NPAS3: variants seen among roughly 807,000 people sequenced by gnomAD.
The protein encoded by NPAS3 is neuronal PAS domain-containing protein 3.
Under a neutral mutation model 73.1 loss-of-function variants are expected in NPAS3, and 14 were observed. The observed-to-expected ratio is 0.19, with a 90% CI of 0.13 to 0.30. The LOEUF is 0.30. NPAS3 is among the 10% of genes least tolerant of loss of function. NPAS3 has a pLI of 1.00. For synonymous variants in NPAS3, 620 were observed against 541.5 expected (o/e 1.14, Z -2.01); for missense variants, 1,096 against 1,250.0 (o/e 0.88, Z 1.86).
At chr14:33,569,387 A>G (rs1335832275) in intron 5 of NPAS3, among the ~76,000 whole-genome samples, 3 of 152,194 alleles carry the variant, frequency 2.0e-5, no homozygotes, top group Non-Finnish European at 2.9e-5. Flanking sequence ...GGCAGAGGTA[A>G]CACAGATACC....
intron 7 of NPAS3, among the ~76,000 whole-genome samples, chr14:33,749,612 G>T (rs1413613747): frequency 6.6e-6 from 1 of 152,114 alleles, no homozygotes; most frequent in African/African-American, 2.4e-5. Context: ...GATGCAATTT[G>T]CCCAACAACT....
chr14:33,676,565 A>G (rs1250815156), intron 6 of NPAS3, among the ~76,000 whole-genome samples, 180 bp downstream of exon 6: 7 of 152,366 alleles, frequency 4.6e-5, no homozygotes, highest in Middle Eastern at 3.4e-3. Context: ...GAGACATTTT[A>G]ATAAGTATAA....
chr14:33,359,952 C>CA (rs2045518512), intron 3 of NPAS3, among the ~76,000 whole-genome samples: 1 of 152,198 alleles, frequency 6.6e-6, no homozygotes, highest in Admixed American at 6.5e-5. Flanking sequence ...AGAAGCAGTT[C>CA]AAAACTAGAA....
chr14:33,727,398 T>A (rs1260968892), intron 6 of NPAS3, among the ~76,000 whole-genome samples: 2 of 152,198 alleles, frequency 1.3e-5, no homozygotes, highest in Non-Finnish European at 2.9e-5. Flanking sequence ...AAAATATATT[T>A]GTAGCTCATA....
At chr14:33,421,508 A>T (rs976255285) in intron 4 of NPAS3, among the ~76,000 whole-genome samples, 1 of 151,706 alleles carries the variant, frequency 6.6e-6, no homozygotes, top group African/African-American at 2.4e-5. Flanking sequence ...TTAAAAACAC[A>T]ATTAAGTTCT....
intron 3 of NPAS3, among the ~76,000 whole-genome samples, chr14:33,299,628 A>T (rs59350236): frequency 0.072 from 10,954 of 152,052 alleles, 1,034 homozygotes; most frequent in African/African-American, 0.21. Flanking sequence ...TGAGCTCAGT[A>T]GGATTCTAGT....
intron 5 of NPAS3, among the ~76,000 whole-genome samples, chr14:33,616,573 A>G (rs940512768): frequency 6.6e-6 from 1 of 152,124 alleles, no homozygotes; most frequent in Non-Finnish European, 1.5e-5. Context: ...TGCGGCTGGG[A>G]TAGAACTGAA....
intron 1 of NPAS3, among the ~76,000 whole-genome samples, chr14:33,037,919 T>C: frequency 6.6e-6 from 1 of 152,218 alleles, no homozygotes; most frequent in East Asian, 1.9e-4. Context: ...GCTTAGACTT[T>C]TCTTTGATAC....
intron 3 of NPAS3, among the ~76,000 whole-genome samples, chr14:33,343,594 C>T (rs560629890): frequency 3.0e-4 from 45 of 152,288 alleles, no homozygotes; most frequent in African/African-American, 9.9e-4. Flanking sequence ...GCTTCTGGAA[C>T]ATTCTTCGGA....
chr14:33,740,099 C>T (rs2061620115), intron 7 of NPAS3, among the ~76,000 whole-genome samples: 2 of 152,096 alleles, frequency 1.3e-5, no homozygotes, highest in African/African-American at 4.8e-5. Context: ...AGTACCTAAA[C>T]CAAAGAATTT....
chr14:33,486,805 T>C (rs1387941783), intron 4 of NPAS3, among the ~76,000 whole-genome samples: 2 of 152,188 alleles, frequency 1.3e-5, no homozygotes, highest in Non-Finnish European at 2.9e-5. Context: ...ACCTTTAAAC[T>C]ATTAGTTACC....
At chr14:33,231,905 T>C (rs76210092) in intron 3 of NPAS3, among the ~76,000 whole-genome samples, 186 of 152,292 alleles carry the variant, frequency 1.2e-3, no homozygotes, top group African/African-American at 4.2e-3. Context: ...TCAAATCCAT[T>C]CATACTAGCC....
intron 8 of NPAS3, 24 bp from the exon 9 acceptor site, chr14:33,778,442 C>T (rs2062886042): frequency 1.3e-6 from 2 of 1,494,400 alleles, no homozygotes; most frequent in South Asian, 2.3e-5. Context: ...TTCTGAATTC[C>T]AGCCTGTGTT....
At chr14:33,714,702 C>T (rs780070394) in intron 6 of NPAS3, among the ~76,000 whole-genome samples, 9 of 152,142 alleles carry the variant, frequency 5.9e-5, no homozygotes, top group South Asian at 2.1e-4. Context: ...AAATACCTTA[C>T]GTCACTGATT....
chr14:33,186,642 G>A (rs779097643), intron 2 of NPAS3, among the ~76,000 whole-genome samples: 13 of 152,114 alleles, frequency 8.5e-5, no homozygotes, highest in African/African-American at 1.2e-4. Context: ...TGGTATCACC[G>A]CTTGTTCAGC....
chr14:33,067,431 G>C (rs1183498767), intron 2 of NPAS3, among the ~76,000 whole-genome samples: 1 of 152,202 alleles, frequency 6.6e-6, no homozygotes, highest in Non-Finnish European at 1.5e-5. Flanking sequence ...TTACACTGTG[G>C]TTATCACATA....
At chr14:33,193,701 G>A (rs538055524) in intron 2 of NPAS3, among the ~76,000 whole-genome samples, 1 of 152,260 alleles carries the variant, frequency 6.6e-6, no homozygotes, top group Non-Finnish European at 1.5e-5. Flanking sequence ...CACAAATAGG[G>A]TTCTCAAATG....
intron 1 of NPAS3, among the ~76,000 whole-genome samples, chr14:33,050,399 C>T (rs896643292): frequency 6.6e-6 from 1 of 152,138 alleles, no homozygotes; most frequent in African/African-American, 2.4e-5. Context: ...AGCAGTCTTC[C>T]CTAGGTCTTC....
rs1357247200 is a variant in NPAS3, at chr14:33,139,004, G to A, written c.141-76178G>A. 4.6e-5 allele frequency among the ~76,000 whole-genome samples: 7 copies of A among 152,282 alleles called. 1 individual carries two copies. In the South Asian group the frequency reaches 1.5e-3, roughly 32 times the overall value. ...GTGGAATATATTCAGTAAAGCTATA[G>A]CTGGCAAAAGTTTCTTCATGATAGA... On this transcript the variant is annotated intron_variant, in intron 2 of 11. Transcript: ENST00000356141.
Sources: allele counts gnomAD v4.1 joint callset (sites outside exome capture counted in the v4.1 genomes callset), GRCh38; gene constraint gnomAD v4.1.1; transcripts MANE v1.5; gene names NCBI Gene and HGNC (gene_info 2026-07-23, HGNC 2026-07-21).